Variants in SIPA1L2 observed in about 807,000 individuals in gnomAD.
The protein encoded by SIPA1L2 is signal induced proliferation associated 1 like 2.
In SIPA1L2, 56 loss-of-function variants were observed where a neutral mutation model predicts 163.9. The observed-to-expected ratio is 0.34, with a 90% CI of 0.28 to 0.43. The LOEUF is 0.43. Among genes scored for constraint, SIPA1L2 ranks in the 20% least tolerant of loss-of-function variants. The pLI, the probability that SIPA1L2 is intolerant of heterozygous loss-of-function variation, is 1.00. For missense variants in SIPA1L2, 1,974 were observed against 2,193.5 expected, an observed-to-expected ratio of 0.90 and a Z score of 2.00; for synonymous variants, 877 against 865.7, an observed-to-expected ratio of 1.01 and a Z score of -0.23.
chr1:232,615,432 C>T (rs577378200), intron 1 of SIPA1L2, among the ~76,000 whole-genome samples: 1 of 152,176 alleles, frequency 6.6e-6, no homozygotes, highest in Non-Finnish European at 1.5e-5. Flanking sequence ...TTGCCCCGAC[C>T]CCATCCCAGC....
chr1:232,606,164 T>C (rs1661909079), intron 1 of SIPA1L2, among the ~76,000 whole-genome samples: 1 of 152,214 alleles, frequency 6.6e-6, no homozygotes, highest in Non-Finnish European at 1.5e-5. Context: ...CAAACATAAT[T>C]CTTAAAACAT....
At chr1:232,630,360 C>T (rs979111295), upstream of SIPA1L2, among the ~76,000 whole-genome samples, 2 of 152,024 alleles carry the variant, frequency 1.3e-5, no homozygotes, top group African/African-American at 2.4e-5. Flanking sequence ...CCCGGACGCC[C>T]TTCTTGGGGA....
At chr1:232,496,640 T>C (rs1044407930) in intron 3 of SIPA1L2, among the ~76,000 whole-genome samples, 4 of 152,026 alleles carry the variant, frequency 2.6e-5, no homozygotes. Flanking sequence ...TAGTATACTG[T>C]CACTATATTA....
At chr1:232,470,907 A>C (rs935537244) in intron 8 of SIPA1L2, among the ~76,000 whole-genome samples, 6 of 152,174 alleles carry the variant, frequency 3.9e-5, no homozygotes, top group African/African-American at 1.4e-4. Context: ...TTAAGTATAA[A>C]AGCAGGCCTT....
chr1:232,583,658 T>C lies in SIPA1L2; in HGVS notation c.-318-9436A>G, dbSNP rs528702845. Reference sequence around the variant, plus strand: ...TAAAGAGAGGAGAGAATAAACTGTATGTGTTAAATTCAAGAATATTCTCTA... The same window carrying C: ...TAAAGAGAGGAGAGAATAAACTGTACGTGTTAAATTCAAGAATATTCTCTA... On this transcript the variant is annotated intron_variant, in intron 1 of 22. Coordinates refer to ENST00000674635, the MANE Select transcript of SIPA1L2 (RefSeq NM_020808.5). Among the ~76,000 whole-genome samples the C allele has an allele frequency of 1.1e-3, 163 of 152,344 alleles. 3 individuals are homozygous for C. Among genetic ancestry groups the C allele is most frequent in the Non-Finnish European group, 4.3e-4 (29 of 68,026 alleles).
intron 2 of SIPA1L2, among the ~76,000 whole-genome samples, chr1:232,570,346 C>G (rs1659648184): frequency 6.6e-6 from 1 of 152,210 alleles, no homozygotes; most frequent in Non-Finnish European, 1.5e-5. Context: ...GTAAAATCAT[C>G]TACAAAGAAG....
intron 2 of SIPA1L2, among the ~76,000 whole-genome samples, chr1:232,525,418 T>A (rs1336118074): frequency 2.8e-5 from 2 of 70,874 alleles, no homozygotes; most frequent in Non-Finnish European, 3.6e-5. Flanking sequence ...TTTTTTTTTT[T>A]TTTTTTTTTG....
chr1:232,482,342 A>G (rs1304257887), intron 6 of SIPA1L2, among the ~76,000 whole-genome samples: 3 of 152,172 alleles, frequency 2.0e-5, no homozygotes, highest in Admixed American at 6.5e-5. Flanking sequence ...TCACAGTAAT[A>G]AGAGTTCACA....
chr1:232,449,335 G>T (rs967535867), intron 10 of SIPA1L2, among the ~76,000 whole-genome samples: 1 of 151,636 alleles, frequency 6.6e-6, no homozygotes, highest in South Asian at 2.1e-4. Context: ...TGGCTAACAT[G>T]GTGAAACCCC....
At chr1:232,572,009 G>A (rs776150553) in intron 2 of SIPA1L2, among the ~76,000 whole-genome samples, 2 of 152,120 alleles carry the variant, frequency 1.3e-5, no homozygotes, top group African/African-American at 2.4e-5. Context: ...TATTGTATAC[G>A]GTAGCATATT....
intron 3 of SIPA1L2, among the ~76,000 whole-genome samples, chr1:232,511,834 A>C (rs1666993060): frequency 6.6e-6 from 1 of 152,256 alleles, no homozygotes; most frequent in South Asian, 2.1e-4. Flanking sequence ...TTCATGACTA[A>C]AACAGCAAAA....
chr1:232,460,918 T>C lies in SIPA1L2; in HGVS notation c.3064A>G (p.Ile1022Val), dbSNP rs1664201604. Residue 1022 changes from isoleucine to valine, a missense_variant, in exon 10 of 23, where the codon ATC becomes GTC. By Grantham distance (29) the Ile-to-Val change is conservative. Around this residue, in one of 3 missense-constraint regions of SIPA1L2, gnomAD observed 1,079 missense variants for 1,150.7 expected, o/e 0.94. Transcript: ENST00000674635. The stretch of plus-strand genomic sequence containing the variant: ...GGCGAGCCGTCATCATGGGGCTGGA[T>C]GATGACCACCTTCACAGTCACAGAA... ...RTSVTVKVVI[I>V]QPHDDGSPRR... 6.2e-7 allele frequency: 1 copy of C among 1,614,050 alleles called. No homozygotes were observed. Among genetic ancestry groups the C allele is most frequent in the Admixed American group, 1.7e-5 (1 of 60,010 alleles).
chr1:232,602,133 G>T (rs185677598), intron 1 of SIPA1L2, among the ~76,000 whole-genome samples: 1 of 152,210 alleles, frequency 6.6e-6, no homozygotes, highest in South Asian at 2.1e-4. Flanking sequence ...AAGACAAGGA[G>T]GTGGGCATTC....
intron 8 of SIPA1L2, among the ~76,000 whole-genome samples, chr1:232,466,137 G>T (rs1477459719): frequency 6.6e-6 from 1 of 152,174 alleles, no homozygotes; most frequent in Non-Finnish European, 1.5e-5. Flanking sequence ...TGTGGGGCTG[G>T]TTATCACTGG....
In SIPA1L2 at chr1:232,515,317, T is replaced by TAGAA. The variant is rs763846228; in HGVS notation, c.22_23insTTCT (p.Gln8LeufsTer20). 1 of 1,604,424 alleles carries TAGAA rather than the reference T, an allele frequency of 6.2e-7. No homozygotes were observed. The highest frequency in any genetic ancestry group is 1.3e-5 in the African/African-American group (1 of 74,708). Reference sequence around the variant, plus strand: ...TCTGCCTAGCTTGTGCTTCTCTTCTTGTGACTGCCTTGGGTCACTCATGTC... The same window carrying TAGAA: ...TCTGCCTAGCTTGTGCTTCTCTTCTTAGAAGTGACTGCCTTGGGTCACTCATGTC... On this transcript the variant is annotated frameshift_variant, in exon 3 of 23. Coordinates refer to ENST00000674635, the MANE Select transcript of SIPA1L2 (RefSeq NM_020808.5). LOFTEE classifies it high-confidence loss of function.
intron 7 of SIPA1L2, among the ~76,000 whole-genome samples, chr1:232,477,191 A>C (rs1035356866): frequency 3.9e-5 from 6 of 152,184 alleles, no homozygotes; most frequent in Non-Finnish European, 5.9e-5. Context: ...ATAATTGATA[A>C]ATTTAGTCTC....
intron 6 of SIPA1L2, 23 bp downstream of exon 6, chr1:232,483,769 A>G: frequency 6.2e-7 from 1 of 1,612,578 alleles, no homozygotes; most frequent in Non-Finnish European, 8.5e-7. Flanking sequence ...AAAAATGTGC[A>G]CACACACAAA....
intron 20 of SIPA1L2, 71 bp downstream of exon 20, chr1:232,404,046 ATGCAGACG>A (rs1255935650): frequency 1.6e-5 from 24 of 1,521,486 alleles, no homozygotes; most frequent in Non-Finnish European, 2.1e-5. Context: ...GTGAATAACC[ATGCAGACG>A]TGCAGACACA....
intron 2 of SIPA1L2, among the ~76,000 whole-genome samples, chr1:232,567,317 G>T (rs1659463595): frequency 6.6e-6 from 1 of 152,196 alleles, no homozygotes; most frequent in Non-Finnish European, 1.5e-5. Flanking sequence ...GAAATGGCCT[G>T]AAAATACACT....
Sources: allele counts gnomAD v4.1 joint callset (sites outside exome capture counted in the v4.1 genomes callset), GRCh38; gene constraint gnomAD v4.1.1; regional missense constraint gnomAD v4.1.1; transcripts MANE v1.5; gene names NCBI Gene and HGNC (gene_info 2026-07-23, HGNC 2026-07-21).